The following FBN2 variants were observed in gnomAD, a reference collection of about 807,000 sequenced individuals.
FBN2 encodes fibrillin-2.
FBN2 carries 105 observed loss-of-function variants against 355.6 expected under a neutral mutation model. The observed-to-expected ratio is 0.30, with a 90% CI of 0.25 to 0.35. The LOEUF (loss-of-function observed/expected upper bound fraction) is 0.35. Among genes scored for constraint, FBN2 ranks in the 10% least tolerant of loss-of-function variants. The pLI, the probability that FBN2 is intolerant of heterozygous loss-of-function variation, is 1.00. For missense variants in FBN2, 3,280 were observed against 3,758.7 expected (o/e 0.87, Z 3.33); for synonymous variants, 1,350 against 1,301.2 (o/e 1.04, Z -0.81).
Position 128,312,719 on chromosome 5 carries a change from C to A in FBN2, c.4794G>T (p.Gly1598=). Residue 1598 remains glycine, a synonymous_variant, in exon 37 of 65, where the codon GGG becomes GGT. Transcript: ENST00000262464. ...AGCATGAAGAGCGACTGACGCCCAC[C>A]CCGATCTCGGTGTTGCAAGACAGAC... ...DGSLSCNTEI[G]VGVSRSSCCC... 1 of 1,613,990 alleles carries A rather than the reference C, an allele frequency of 6.2e-7. No individual in the cohort carries two copies. The highest frequency in any genetic ancestry group is 8.5e-7 in the Non-Finnish European group (1 of 1,179,988).
chr5:128,352,185 A>T (rs1751386491), intron 20 of FBN2, among the ~76,000 whole-genome samples: 1 of 151,794 alleles, frequency 6.6e-6, no homozygotes, highest in Admixed American at 6.6e-5. Flanking sequence ...CTAATATCTG[A>T]TGTATTTTCT....
At chr5:128,366,349 T>C (rs778733302) in intron 17 of FBN2, 28 bp downstream of exon 17, 4 of 1,306,534 alleles carry the variant, frequency 3.1e-6, no homozygotes, top group Non-Finnish European at 4.4e-6. Context: ...CACGTGATTA[T>C]TATAAAGTTG....
chr5:128,516,715 A>T (rs933114835), intron 5 of FBN2, among the ~76,000 whole-genome samples: 34 of 152,206 alleles, frequency 2.2e-4, no homozygotes, highest in Non-Finnish European at 3.8e-4. Context: ...TCAGTAATTT[A>T]AAAATATATA....
At chr5:128,524,429 G>C (rs780799329) in intron 4 of FBN2, among the ~76,000 whole-genome samples, 1 of 152,096 alleles carries the variant, frequency 6.6e-6, no homozygotes, top group Non-Finnish European at 1.5e-5. Context: ...ATTTCTACCA[G>C]AATATGTGGC....
At chr5:128,289,850 A>C in intron 51 of FBN2, 32 bp downstream of exon 51, 2 of 1,280,508 alleles carry the variant, frequency 1.6e-6, no homozygotes, top group Non-Finnish European at 2.3e-6. Flanking sequence ...GTATTAAATA[A>C]GAATATAGGA....
intron 7 of FBN2, among the ~76,000 whole-genome samples, chr5:128,411,165 C>A (rs572507402): frequency 1.9e-3 from 294 of 152,150 alleles, no homozygotes; most frequent in African/African-American, 6.7e-3. Flanking sequence ...TGAGTGTTTC[C>A]GGATGCCGGC....
At chr5:128,465,242 T>C (rs994245112) in intron 5 of FBN2, among the ~76,000 whole-genome samples, 2 of 152,226 alleles carry the variant, frequency 1.3e-5, no homozygotes, top group African/African-American at 4.8e-5. Flanking sequence ...AAATTCCACA[T>C]GAAATTTGTA....
chr5:128,447,747 G>C (rs554786713), intron 6 of FBN2, among the ~76,000 whole-genome samples: 1 of 152,276 alleles, frequency 6.6e-6, no homozygotes, highest in Admixed American at 6.5e-5. Context: ...TGCTGGTTTT[G>C]CGGCTTGTGG....
chr5:128,379,423 T>G (rs1190858588), intron 11 of FBN2, among the ~76,000 whole-genome samples: 2 of 152,228 alleles, frequency 1.3e-5, no homozygotes, highest in East Asian at 3.9e-4. Context: ...AAAGCTTGGA[T>G]AATATTTTGA....
intron 8 of FBN2, among the ~76,000 whole-genome samples, chr5:128,404,227 T>C (rs1189424719): frequency 6.6e-6 from 1 of 152,234 alleles, no homozygotes. Context: ...ATCAAAGATC[T>C]CGTACACATT....
intron 48 of FBN2, among the ~76,000 whole-genome samples, chr5:128,298,557 A>G (rs1474043083): frequency 2.0e-5 from 3 of 151,056 alleles, no homozygotes; most frequent in African/African-American, 7.4e-5. Context: ...TTTTTCTCTA[A>G]ACTTCCCTTC....
chr5:128,367,263 A>G (rs1436448088), intron 16 of FBN2, among the ~76,000 whole-genome samples: 2 of 152,230 alleles, frequency 1.3e-5, no homozygotes, highest in African/African-American at 4.8e-5. Context: ...ATAAGACAGT[A>G]TTCATTTTTT....
At chr5:128,273,369 G>T (rs927091325) in intron 61 of FBN2, among the ~76,000 whole-genome samples, 1 of 152,182 alleles carries the variant, frequency 6.6e-6, no homozygotes, top group Non-Finnish European at 1.5e-5. Context: ...GGAGTGAAGC[G>T]GGAGCTTGAC....
chr5:128,301,942 T>A (rs469750), intron 46 of FBN2, among the ~76,000 whole-genome samples: 106,315 of 152,042 alleles, frequency 0.7, 37,360 homozygotes, highest in East Asian at 0.86. Context: ...TATTTATTAC[T>A]GGAAAATCAA....
chr5:128,409,405 T>A (rs899872572), intron 7 of FBN2, among the ~76,000 whole-genome samples: 17 of 152,204 alleles, frequency 1.1e-4, no homozygotes, highest in Non-Finnish European at 2.2e-4. Flanking sequence ...TGTACCTCCC[T>A]ACATTTATCC....
chr5:128,375,419 T>C (rs1451242416), intron 14 of FBN2, among the ~76,000 whole-genome samples: 4 of 152,206 alleles, frequency 2.6e-5, no homozygotes, highest in Admixed American at 6.5e-5. Context: ...AACATAATTC[T>C]ACACACTGAA....
chr5:128,512,450 T>C (rs1473054251), intron 5 of FBN2, among the ~76,000 whole-genome samples: 1 of 147,234 alleles, frequency 6.8e-6, no homozygotes, highest in Non-Finnish European at 1.5e-5. Flanking sequence ...GAGGCGGAGA[T>C]TGCAGTGAGC....
At chr5:128,305,663 A>G (rs1466131465) in intron 43 of FBN2, 27 bp from the exon 44 acceptor site, 1 of 1,613,448 alleles carries the variant, frequency 6.2e-7, no homozygotes, top group Non-Finnish European at 8.5e-7. Context: ...TCCATTTTAA[A>G]GAGTCCTTTT....
At chr5:128,324,500 G>A (rs1267351671) in intron 34 of FBN2, among the ~76,000 whole-genome samples, 1 of 151,986 alleles carries the variant, frequency 6.6e-6, no homozygotes, top group Non-Finnish European at 1.5e-5. Flanking sequence ...TGTTCTCATT[G>A]GTTTCAAAGA....
Sources: gnomAD v4.1 joint callset for allele counts (sites outside exome capture counted in the v4.1 genomes callset) on GRCh38, gnomAD v4.1.1 for gene constraint, MANE v1.5 for transcripts, NCBI Gene and HGNC (gene_info 2026-07-23, HGNC 2026-07-21) for gene names.